The following NEXN variants were observed in gnomAD, a reference collection of about 807,000 sequenced individuals.
The protein encoded by NEXN is nexilin F-actin binding protein, also known as nexilin.
Under a neutral mutation model 92.6 loss-of-function variants are expected in NEXN, and 65 were observed. That is an observed-to-expected ratio of 0.70 (90% CI 0.57 to 0.86). The LOEUF (loss-of-function observed/expected upper bound fraction) is 0.86, where lower values mean the gene tolerates loss of function less well. NEXN is among the 40% of genes least tolerant of loss of function. NEXN has a pLI of 0.00. For synonymous variants in NEXN, 254 were observed against 242.5 expected (o/e 1.05, Z -0.44); for missense variants, 778 against 771.1 (o/e 1.01, Z -0.11).
intron 1 of NEXN, among the ~76,000 whole-genome samples, chr1:77,915,190 G>A (rs1303121225): frequency 6.6e-6 from 1 of 152,116 alleles, no homozygotes; most frequent in Non-Finnish European, 1.5e-5. Flanking sequence ...CTGCATGCCT[G>A]TAGTCCCAGC....
intron 1 of NEXN, 100 bp from the exon 2 acceptor site, chr1:77,915,953 CAG>C (rs1648942405): frequency 3.5e-6 from 1 of 285,772 alleles, no homozygotes; most frequent in African/African-American, 2.3e-5. Context: ...TGAATCATGT[CAG>C]TATTTTTTGA....
chr1:77,939,060 C>G (rs1033247838), intron 11 of NEXN, among the ~76,000 whole-genome samples: 1 of 152,136 alleles, frequency 6.6e-6, no homozygotes, highest in African/African-American at 2.4e-5. Flanking sequence ...AACTGGAAGA[C>G]AGGCATGAAG....
intron 1 of NEXN, among the ~76,000 whole-genome samples, chr1:77,909,790 A>T (rs2102068962): frequency 6.6e-6 from 1 of 152,300 alleles, no homozygotes; most frequent in Middle Eastern, 3.4e-3. Context: ...TTAGGGAAAA[A>T]ATAATACTAA....
chr1:77,925,823 A>T, intron 6 of NEXN, among the ~76,000 whole-genome samples: 1 of 152,104 alleles, frequency 6.6e-6, no homozygotes, highest in Non-Finnish European at 1.5e-5. Context: ...CTTAGTTTTT[A>T]AAAAAGTCAG....
chr1:77,929,720 T>C (rs187128213), intron 9 of NEXN, among the ~76,000 whole-genome samples: 5 of 152,318 alleles, frequency 3.3e-5, no homozygotes, highest in Admixed American at 2.6e-4. Flanking sequence ...TAAATTGCCA[T>C]GCTTGGCACA....
At chr1:77,918,366 T>C in intron 5 of NEXN, 93 bp downstream of exon 5, 1 of 1,361,964 alleles carries the variant, frequency 7.3e-7, no homozygotes, top group Non-Finnish European at 1.0e-6. Context: ...TATTTTAATG[T>C]AACATAAACC....
At position 77,942,333 on chromosome 1, in the gene NEXN, TAC is replaced by T. The variant is rs910441843; in HGVS notation, c.1660-125_1660-124del. The T allele has an allele frequency of 1.8e-5, 24 of 1,364,338 alleles. No individual in the cohort carries two copies. In the African/African-American group the frequency reaches 2.6e-4, roughly 15 times the overall value. 84.5% of individuals were successfully genotyped at this position (1,364,338 alleles called of 1,614,324 possible). ...CAAGTCACTGGAATGTACTGTTAAGTACACTTTGTAGTAGGCACACTTGTATG... is the reference window on the plus strand; with the variant it reads ...CAAGTCACTGGAATGTACTGTTAAGTACTTTGTAGTAGGCACACTTGTATG... On this transcript the variant is annotated intron_variant, in intron 12 of 12. Transcript: ENST00000334785.
At chr1:77,907,393 T>C (rs768742486) in intron 1 of NEXN, among the ~76,000 whole-genome samples, 6 of 152,220 alleles carry the variant, frequency 3.9e-5, no homozygotes, top group Non-Finnish European at 8.8e-5. Context: ...AACATAAAAA[T>C]ATTTAAGAGA....
chr1:77,937,173 G>A (rs1238169694), intron 11 of NEXN, among the ~76,000 whole-genome samples: 1 of 151,948 alleles, frequency 6.6e-6, no homozygotes, highest in Admixed American at 6.6e-5. Flanking sequence ...GCACAGTGGT[G>A]CATGTCTGTA....
At chr1:77,920,349 A>T (rs954250469) in intron 5 of NEXN, among the ~76,000 whole-genome samples, 1 of 152,154 alleles carries the variant, frequency 6.6e-6, no homozygotes, top group African/African-American at 2.4e-5. Context: ...TTGCTTGTAA[A>T]ATTTATTTGT....
intron 1 of NEXN, among the ~76,000 whole-genome samples, chr1:77,895,267 G>A (rs1324138571): frequency 7.3e-5 from 11 of 151,532 alleles, no homozygotes; most frequent in African/African-American, 2.4e-4. Context: ...GGATGGTCTC[G>A]ATCTCCTGAC....
intron 9 of NEXN, among the ~76,000 whole-genome samples, chr1:77,932,362 G>A (rs1413985727): frequency 6.6e-6 from 1 of 152,214 alleles, no homozygotes; most frequent in South Asian, 2.1e-4. Context: ...TACTTCATAG[G>A]GTCATAGGAT....
In NEXN at chr1:77,942,951, C is replaced by G. The variant is rs1157879022; in HGVS notation, c.*122C>G. ...CTCCCTGGAACTTTCTCTTTCACTC[C>G]AACTTTCTTACTACATCCATCTTTT... On this transcript the variant is annotated 3_prime_UTR_variant, in exon 13 of 13. Coordinates refer to ENST00000334785, the MANE Select transcript of NEXN (RefSeq NM_144573.4). 3.0e-6 allele frequency: 4 copies of G among 1,340,654 alleles called. No individual in the cohort carries two copies. Among genetic ancestry groups the G allele is most frequent in the Middle Eastern group, 2.6e-4 (1 of 3,908 alleles). 83.0% of individuals were successfully genotyped at this position (1,340,654 alleles called of 1,614,324 possible).
rs1308557972 is a variant in NEXN at position 77,929,298 on chromosome 1, A to C, written c.865-18A>C. ...TGATGAACCTCAATTCTTAGTAATG[A>C]ATTGTTTATTTGGTTAGGTAAATGA... is the stretch of plus-strand genomic sequence containing the variant. On this transcript the variant is annotated intron_variant, in intron 8 of 12. Transcript: ENST00000334785. 6.6e-7 allele frequency: 1 copy of C among 1,513,086 alleles called. No homozygotes were observed. Among genetic ancestry groups the C allele is most frequent in the Non-Finnish European group, 9.2e-7 (1 of 1,088,842 alleles). The allele number at this position is 1,513,086 out of a possible 1,614,324, so 93.7% of individuals were successfully genotyped here.
Position 77,918,217 on chromosome 1 carries a change from C to T in NEXN, c.391C>T (p.Gln131Ter). 6.2e-7 allele frequency: 1 copy of T among 1,613,878 alleles called. No individual in the cohort carries two copies. The highest frequency in any genetic ancestry group is 8.5e-7 in the Non-Finnish European group (1 of 1,179,928). The change falls in exon 5 of 13, where the codon CAG becomes TAG. Residue 131 changes from glutamine to a stop codon, truncating the protein, a stop_gained. Transcript: ENST00000334785. LOFTEE classifies it high-confidence loss of function. ...GGAGGAACGAAAACGCAGAATTGAG[C>T]AGGATATGTTAGAAAAGAGGAAAAT... is the stretch of plus-strand genomic sequence containing the variant. ...TEEERKRRIE[Q>*]DMLEKRKIQR...
chr1:77,937,557 C>T (rs962808201), intron 11 of NEXN, among the ~76,000 whole-genome samples: 5 of 151,644 alleles, frequency 3.3e-5, no homozygotes, highest in African/African-American at 7.3e-5. Flanking sequence ...GGCATAATGG[C>T]GGGTGCCTAT....
chr1:77,916,033 A>T (rs905581632), intron 1 of NEXN, 22 bp from the exon 2 acceptor site: 1 of 866,412 alleles, frequency 1.2e-6, no homozygotes, highest in Admixed American at 3.4e-5. Context: ...AAAATTTATT[A>T]TACAATATAA....
intron 6 of NEXN, 38 bp downstream of exon 6, chr1:77,925,267 A>C (rs1649755728): frequency 7.1e-7 from 1 of 1,399,890 alleles, no homozygotes; most frequent in East Asian, 2.3e-5. Flanking sequence ...ATTCACCTAA[A>C]ATTATCTGAT....
intron 11 of NEXN, 124 bp downstream of exon 11, chr1:77,936,168 G>C (rs1650748168): frequency 1.4e-6 from 1 of 709,308 alleles, no homozygotes; most frequent in Admixed American, 2.8e-5. Context: ...ACAGTAATCT[G>C]GGAAGTAAAT....
Sources: allele counts gnomAD v4.1 joint callset (sites outside exome capture counted in the v4.1 genomes callset), GRCh38; gene constraint gnomAD v4.1.1; transcripts MANE v1.5; gene names NCBI Gene and HGNC (gene_info 2026-07-23, HGNC 2026-07-21).